Variants in LRRC40 observed in about 807,000 individuals in gnomAD.
The protein encoded by LRRC40 is leucine rich repeat containing 40.
LRRC40 carries 76 observed loss-of-function variants against 72.8 expected under a neutral mutation model. The observed-to-expected ratio is 1.04, with a 90% CI of 0.87 to 1.26. The LOEUF (loss-of-function observed/expected upper bound fraction) is 1.26, where lower values mean the gene tolerates loss of function less well. LRRC40 is among the 50% of genes most tolerant of loss of function. The pLI is 0.00. For missense variants in LRRC40, 684 were observed against 698.9 expected (o/e 0.98, Z 0.24); for synonymous variants, 243 against 254.2 (o/e 0.96, Z 0.42).
intron 1 of LRRC40, among the ~76,000 whole-genome samples, chr1:70,190,126 T>G (rs1215035918): frequency 6.6e-6 from 1 of 152,196 alleles, no homozygotes; most frequent in African/African-American, 2.4e-5. Context: ...CTATTTTCAA[T>G]AGAGTCCTTC....
chr1:70,187,365 ATATTCT>A, intron 2 of LRRC40, 27 bp from the exon 3 acceptor site: 1 of 1,118,586 alleles, frequency 8.9e-7, no homozygotes, highest in East Asian at 2.4e-5. Context: ...GACAAAGTCA[ATATTCT>A]TAGTCTTATC....
intron 6 of LRRC40, 48 bp from the exon 7 acceptor site, chr1:70,176,030 A>G (rs1344672731): frequency 1.7e-6 from 2 of 1,177,912 alleles, no homozygotes; most frequent in South Asian, 4.3e-5. Flanking sequence ...TCAATTTTAT[A>G]GTAGATAATG....
chr1:70,157,130 T>C (rs535321386), intron 10 of LRRC40, among the ~76,000 whole-genome samples: 2 of 152,284 alleles, frequency 1.3e-5, no homozygotes. Flanking sequence ...TAATGTATAA[T>C]ATGGAAGAAC....
chr1:70,167,475 C>T (rs1667908611), intron 9 of LRRC40, among the ~76,000 whole-genome samples: 3 of 151,514 alleles, frequency 2.0e-5, no homozygotes, highest in Admixed American at 1.3e-4. Flanking sequence ...AGGCAGAATT[C>T]CTTGAACCTG....
rs760556201 is a variant in LRRC40 at position 70,176,086 on chromosome 1, CAT to C, written c.805-106_805-105del. On this transcript the variant is annotated intron_variant, in intron 6 of 14. Transcript: ENST00000370952. ...CTTAATTTCAAGTGATTGAAAAACA[CAT>C]AGAAAAAATGCAACTTTATAAATAT... is the stretch of plus-strand genomic sequence containing the variant. The C allele has an allele frequency of 3.7e-4, 224 of 608,480 alleles. 1 individual carries two copies. The highest frequency in any genetic ancestry group is 5.4e-4 in the Non-Finnish European group (207 of 385,424). 37.7% of individuals were successfully genotyped at this position (608,480 alleles called of 1,614,324 possible). A position where few individuals can be genotyped will look rare whatever the true frequency, so the allele number is the denominator to read the frequency against.
At position 70,160,085 on chromosome 1, in the gene LRRC40, T is replaced by C. The variant is rs507220; in HGVS notation, c.1112-647A>G. Among the ~76,000 whole-genome samples the C allele has an allele frequency of 4.9e-3, 743 of 152,318 alleles. 4 individuals are homozygous for C. The highest frequency in any genetic ancestry group is 0.017 in the African/African-American group (703 of 41,572). On this transcript the variant is annotated intron_variant, in intron 9 of 14. Coordinates refer to ENST00000370952, the MANE Select transcript of LRRC40 (RefSeq NM_017768.5). Reference sequence around the variant, plus strand: ...CTGTCATCATATGGTATACATATTTTTTTAAATACACATTTTAAAAGAAAT... The same window carrying C: ...CTGTCATCATATGGTATACATATTTCTTTAAATACACATTTTAAAAGAAAT...
In LRRC40 at chr1:70,189,274, C is replaced by T. The variant is rs780122900; in HGVS notation, c.152-1G>A. 2 of 1,440,730 alleles carry T rather than the reference C, an allele frequency of 1.4e-6. No homozygotes were observed. Among genetic ancestry groups the T allele is most frequent in the Non-Finnish European group, 9.5e-7 (1 of 1,047,150 alleles). 89.2% of individuals were successfully genotyped at this position (1,440,730 alleles called of 1,614,324 possible). ...TTTATTCTCCAGACACACTGCGGCA[C>T]TAGTTCCATCAGCACCACACCAGGA... is the stretch of plus-strand genomic sequence containing the variant. On this transcript the variant is annotated splice_acceptor_variant, in intron 1 of 14. Coordinates refer to ENST00000370952, the MANE Select transcript of LRRC40 (RefSeq NM_017768.5). LOFTEE classifies it high-confidence loss of function.
intron 2 of LRRC40, among the ~76,000 whole-genome samples, chr1:70,187,752 G>C (rs1359147175): frequency 6.6e-6 from 1 of 151,954 alleles, no homozygotes; most frequent in East Asian, 1.9e-4. Context: ...GATTGCTTGA[G>C]CCTAGGAGGT....
intron 9 of LRRC40, among the ~76,000 whole-genome samples, chr1:70,169,973 C>G (rs1362227291): frequency 6.6e-6 from 1 of 151,924 alleles, no homozygotes. Context: ...AAAAAAATCA[C>G]AAGAAAACAA....
At chr1:70,204,465 T>A (rs561964676) in intron 1 of LRRC40, among the ~76,000 whole-genome samples, 1 of 152,170 alleles carries the variant, frequency 6.6e-6, no homozygotes, top group African/African-American at 2.4e-5. Context: ...CAAGTAGATA[T>A]ATATATATGC....
chr1:70,178,365 CTT>C (rs1193512190), intron 6 of LRRC40, among the ~76,000 whole-genome samples: 1 of 152,070 alleles, frequency 6.6e-6, no homozygotes, highest in Non-Finnish European at 1.5e-5. Context: ...AAAATAAACT[CTT>C]TTAACACTAG....
At chr1:70,197,906 C>T (rs1045839676) in intron 1 of LRRC40, among the ~76,000 whole-genome samples, 1 of 151,874 alleles carries the variant, frequency 6.6e-6, no homozygotes, top group Non-Finnish European at 1.5e-5. Flanking sequence ...ATGGTAAAAC[C>T]CCATCTCTAC....
At position 70,184,855 on chromosome 1, in the gene LRRC40, A is replaced by C; in HGVS notation, c.467T>G (p.Leu156Arg). 1 of 1,610,596 alleles carries C rather than the reference A, an allele frequency of 6.2e-7. No homozygotes were observed. The highest frequency in any genetic ancestry group is 8.5e-7 in the Non-Finnish European group (1 of 1,177,120). Residue 156 changes from leucine to arginine, a missense_variant, in exon 4 of 15, where the codon CTG (leucine) becomes CGG (arginine). Coordinates refer to ENST00000370952, the MANE Select transcript of LRRC40 (RefSeq NM_017768.5). ...EITNLRNLKCLYLQHNELTCI... is the reference protein window; with the variant it reads ...EITNLRNLKCRYLQHNELTCI... Reference sequence around the variant, plus strand: ...GGTTAATTCATTATGCTGGAGATACAGGCACTTCAGGTTTCTTAGGTTTGT... The same window carrying C: ...GGTTAATTCATTATGCTGGAGATACCGGCACTTCAGGTTTCTTAGGTTTGT...
intron 9 of LRRC40, among the ~76,000 whole-genome samples, chr1:70,172,091 C>A (rs1283471362): frequency 6.6e-6 from 1 of 152,032 alleles, no homozygotes; most frequent in Non-Finnish European, 1.5e-5. Context: ...GAGGGCAGAA[C>A]CCTCATGAAC....
rs777888091 is a variant in LRRC40, at chr1:70,155,742, G to A, written c.1275C>T (p.Asn425=). 93 of 1,582,630 alleles carry A rather than the reference G, an allele frequency of 5.9e-5. No individual in the cohort carries two copies. Among genetic ancestry groups the A allele is most frequent in the Non-Finnish European group, 7.7e-5 (89 of 1,160,012 alleles). Residue 425 remains asparagine (N), a synonymous_variant, in exon 11 of 15, where the codon AAC becomes AAT. Coordinates refer to ENST00000370952, the MANE Select transcript of LRRC40 (RefSeq NM_017768.5). ...TACTGAAGTTAATAGAAGTGACGAT[G>A]TTGCTTTTTACTGCATCAAACACCT... ...PDEVFDAVKS[N]IVTSINFSKN... is the part of the protein sequence containing the mutation.
chr1:70,152,322 G>C, intron 12 of LRRC40, 111 bp downstream of exon 12: 1 of 601,172 alleles, frequency 1.7e-6, no homozygotes, highest in Middle Eastern at 4.3e-4. Context: ...ATAAATAAAG[G>C]CCAGTTTCCA....
Position 70,187,346 on chromosome 1 carries a change from T to A in LRRC40, c.334-8A>T, listed in dbSNP as rs1265038171. On this transcript the variant is annotated splice_region_variant and splice_polypyrimidine_tract_variant and intron_variant, in intron 2 of 14. Coordinates refer to ENST00000370952, the MANE Select transcript of LRRC40 (RefSeq NM_017768.5). ...CAACTGATTATCATGTATCTAAAAGTTTTTAAAAGACAAAGTCAATATTCT... is the reference window on the plus strand; with the variant it reads ...CAACTGATTATCATGTATCTAAAAGATTTTAAAAGACAAAGTCAATATTCT... 3 of 1,421,494 alleles carry A rather than the reference T, an allele frequency of 2.1e-6. No homozygotes were observed. The highest frequency in any genetic ancestry group is 3.0e-6 in the Non-Finnish European group (3 of 1,014,994). 88.1% of individuals were successfully genotyped at this position (1,421,494 alleles called of 1,614,324 possible). A position where few individuals can be genotyped will look rare whatever the true frequency, so the allele number is the denominator to read the frequency against.
At chr1:70,161,816 A>G (rs562328189) in intron 9 of LRRC40, among the ~76,000 whole-genome samples, 34 of 152,332 alleles carry the variant, frequency 2.2e-4, no homozygotes, top group African/African-American at 7.7e-4. Context: ...CCTTCATTCT[A>G]TAACATTATC....
At chr1:70,155,061 A>G (rs993227357) in intron 11 of LRRC40, among the ~76,000 whole-genome samples, 2 of 152,164 alleles carry the variant, frequency 1.3e-5, no homozygotes, top group Admixed American at 1.3e-4. Context: ...TTACTGCTAG[A>G]TAACAAATGT....
Sources: allele counts gnomAD v4.1 joint callset (sites outside exome capture counted in the v4.1 genomes callset), GRCh38; gene constraint gnomAD v4.1.1; transcripts MANE v1.5; gene names NCBI Gene and HGNC (gene_info 2026-07-23, HGNC 2026-07-21).